Variants in GLIS1 observed in about 807,000 individuals in gnomAD.
GLIS1 encodes zinc finger protein GLIS1.
Under a neutral mutation model 63.8 loss-of-function variants are expected in GLIS1, and 24 were observed. The ratio of observed to expected loss-of-function variants is 0.38; its 90% CI spans 0.27 to 0.53. The LOEUF is 0.53. Among genes scored for constraint, GLIS1 ranks in the 20% least tolerant of loss-of-function variants. GLIS1 has a pLI of 0.85. For missense variants in GLIS1, 1,036 were observed against 1,074.1 expected, an observed-to-expected ratio of 0.96 and a Z score of 0.50; for synonymous variants, 450 against 482.5, an observed-to-expected ratio of 0.93 and a Z score of 0.88.
chr1:53,563,950 C>T (rs1644913991), intron 4 of GLIS1, among the ~76,000 whole-genome samples: 1 of 152,164 alleles, frequency 6.6e-6, no homozygotes, highest in Non-Finnish European at 1.5e-5. Context: ...CATCTTCTAT[C>T]TATCTTTCAA....
At chr1:53,527,912 C>A (rs956200025) in intron 5 of GLIS1, among the ~76,000 whole-genome samples, 2 of 152,170 alleles carry the variant, frequency 1.3e-5, no homozygotes, top group Non-Finnish European at 2.9e-5. Flanking sequence ...TCTGTTCACA[C>A]ACCAAGTGGG....
intron 4 of GLIS1, among the ~76,000 whole-genome samples, chr1:53,534,014 C>A (rs959211627): frequency 1.3e-5 from 2 of 152,000 alleles, no homozygotes; most frequent in African/African-American, 4.8e-5. Context: ...CTGGTGTAGA[C>A]CCAGCCCAGG....
In GLIS1 at chr1:53,686,858, A is replaced by C. The variant is rs1328710439; in HGVS notation, c.259+50948T>G. Among the ~76,000 whole-genome samples the C allele has an allele frequency of 3.9e-5, 6 of 152,222 alleles. No homozygotes were observed. In the South Asian group the frequency reaches 1.2e-3, roughly 32 times the overall value. ...GCAATAAGTTTGCTGTGGCCAGATC[A>C]CCAAGGGCCTTGTCCACCATGCTAG... On this transcript the variant is annotated intron_variant, in intron 2 of 10. Coordinates refer to ENST00000628545, the MANE Select transcript of GLIS1 (RefSeq NM_001367484.1).
chr1:53,561,289 C>T (rs1189351392), intron 4 of GLIS1, among the ~76,000 whole-genome samples: 3 of 151,990 alleles, frequency 2.0e-5, no homozygotes, highest in African/African-American at 4.8e-5. Context: ...ATAAACAGTG[C>T]ACGACTTTAC....
At chr1:53,736,196 C>T (rs1646911027) in intron 2 of GLIS1, among the ~76,000 whole-genome samples, 1 of 152,206 alleles carries the variant, frequency 6.6e-6, no homozygotes, top group African/African-American at 2.4e-5. Flanking sequence ...CTTTATTCTC[C>T]TCTGCCCTTT....
intron 2 of GLIS1, among the ~76,000 whole-genome samples, chr1:53,693,137 C>T (rs557346001): frequency 1.3e-5 from 2 of 152,188 alleles, no homozygotes; most frequent in Non-Finnish European, 2.9e-5. Context: ...AGGAAATCAT[C>T]GTGGCTCCAT....
intron 4 of GLIS1, among the ~76,000 whole-genome samples, chr1:53,532,010 T>A (rs1203039465): frequency 6.6e-6 from 1 of 152,030 alleles, no homozygotes; most frequent in Non-Finnish European, 1.5e-5. Flanking sequence ...GAGTGGTTGA[T>A]GTGGGGTTCA....
At chr1:53,597,669 G>C (rs1557472554) in intron 3 of GLIS1, among the ~76,000 whole-genome samples, 1 of 152,124 alleles carries the variant, frequency 6.6e-6, no homozygotes, top group African/African-American at 2.4e-5. Context: ...CGGGCGGTTG[G>C]GGGAAGGCAC....
Position 53,511,789 on chromosome 1 carries a change from C to G in GLIS1, c.1884-1762G>C, listed in dbSNP as rs1019514909. On this transcript the variant is annotated intron_variant, in intron 8 of 10. Coordinates refer to ENST00000628545, the MANE Select transcript of GLIS1 (RefSeq NM_001367484.1). The surrounding 1 kb of genome is among the most constrained non-coding windows in gnomAD (Gnocchi z 4.2). ...GGCTGAAGCTGGGCTGGGGCCTGGC[C>G]GGAGAGTGGCTCCTCCTTCCTGCAG... 2.0e-5 allele frequency among the ~76,000 whole-genome samples: 3 copies of G among 152,110 alleles called. No individual in the cohort carries two copies. The highest frequency in any genetic ancestry group is 4.4e-5 in the Non-Finnish European group (3 of 68,024).
chr1:53,644,660 C>T (rs1645823227), intron 2 of GLIS1, among the ~76,000 whole-genome samples: 1 of 152,140 alleles, frequency 6.6e-6, no homozygotes, highest in East Asian at 1.9e-4. Flanking sequence ...GCAGAGGGAA[C>T]AGATGGGACC....
rs1191845011 is a variant in GLIS1, at chr1:53,646,091, T to C, written c.260-45813A>G. ...TGAATTTAAAAAGCAAATCTCAGTA[T>C]ACCGAATAAAGTTCAAAATCCACTA... On this transcript the variant is annotated intron_variant, in intron 2 of 10. Transcript: ENST00000628545. This position sits in a 1 kb window ranked among gnomAD's most constrained non-coding sequence, Gnocchi z 4.2. Among the ~76,000 whole-genome samples, 1 of 152,214 alleles carries C rather than the reference T, an allele frequency of 6.6e-6. No individual in the cohort carries two copies. Among genetic ancestry groups the C allele is most frequent in the African/African-American group, 2.4e-5 (1 of 41,446 alleles).
intron 2 of GLIS1, among the ~76,000 whole-genome samples, chr1:53,632,392 G>A (rs1483848775): frequency 6.7e-6 from 1 of 148,422 alleles, no homozygotes; most frequent in African/African-American, 2.5e-5. Context: ...TGTGACTGAG[G>A]GGTGTTTGAG....
intron 2 of GLIS1, among the ~76,000 whole-genome samples, chr1:53,631,956 G>A (rs767916977): frequency 2.6e-5 from 4 of 152,164 alleles, no homozygotes; most frequent in Non-Finnish European, 5.9e-5. Flanking sequence ...TAAAAGAGAG[G>A]TGTGTGAATG....
chr1:53,575,410 A>G (rs1452001319), intron 4 of GLIS1, among the ~76,000 whole-genome samples: 1 of 152,102 alleles, frequency 6.6e-6, no homozygotes, highest in Non-Finnish European at 1.5e-5. Context: ...TCTGGGCCTC[A>G]CACAACTCTC....
chr1:53,620,861 C>T (rs765953759), intron 2 of GLIS1, among the ~76,000 whole-genome samples: 11 of 152,188 alleles, frequency 7.2e-5, no homozygotes, highest in African/African-American at 1.7e-4. Context: ...AGCCTCACAC[C>T]GTATCCAGAT....
intron 2 of GLIS1, among the ~76,000 whole-genome samples, chr1:53,726,478 C>T (rs1461428870): frequency 6.6e-6 from 1 of 152,146 alleles, no homozygotes; most frequent in Non-Finnish European, 1.5e-5. Context: ...ACAGGGTAGT[C>T]CTGGCATCTT....
chr1:53,658,382 C>T lies in GLIS1; in HGVS notation c.260-58104G>A, dbSNP rs79466265. ...CTAACACAGTACCTGGCACAAAGTT[C>T]AACAGGGTTTTATTGAATACGTTAA... On this transcript the variant is annotated intron_variant, in intron 2 of 10. Coordinates refer to ENST00000628545, the MANE Select transcript of GLIS1 (RefSeq NM_001367484.1). Among the ~76,000 whole-genome samples the T allele has an allele frequency of 2.0e-3, 303 of 152,318 alleles. 3 individuals carry two copies. Among genetic ancestry groups the T allele is most frequent in the African/African-American group, 6.8e-3 (281 of 41,556 alleles).
At chr1:53,666,916 G>A (rs1646099741) in intron 2 of GLIS1, among the ~76,000 whole-genome samples, 2 of 152,186 alleles carry the variant, frequency 1.3e-5, no homozygotes, top group Non-Finnish European at 2.9e-5. Context: ...CTTCTTCCAA[G>A]ATGACCCTGC....
chr1:53,701,475 T>C (rs890878109), intron 2 of GLIS1, among the ~76,000 whole-genome samples: 2 of 152,220 alleles, frequency 1.3e-5, no homozygotes, highest in Non-Finnish European at 1.5e-5. Context: ...GAACACTTAC[T>C]GAGAGTGCTC....
Sources: allele counts gnomAD v4.1 joint callset (sites outside exome capture counted in the v4.1 genomes callset), GRCh38; gene constraint gnomAD v4.1.1; non-coding constraint Gnocchi (gnomAD v3.1); transcripts MANE v1.5; gene names NCBI Gene and HGNC (gene_info 2026-07-23, HGNC 2026-07-21).